GOLGA7: variants seen among roughly 807,000 people sequenced by gnomAD.
The protein encoded by GOLGA7 is golgin A7.
Under a neutral mutation model 21.1 loss-of-function variants are expected in GOLGA7, and 10 were observed. The ratio of observed to expected loss-of-function variants is 0.47; its 90% CI spans 0.29 to 0.80. GOLGA7 has a LOEUF of 0.80. GOLGA7 is among the 30% of genes least tolerant of loss of function. The probability of loss-of-function intolerance (pLI) is 0.08; values close to 1 mark genes in which losing one functional copy is unlikely to be tolerated. For synonymous variants in GOLGA7, 64 were observed against 62.6 expected (o/e 1.02, Z -0.10); for missense variants, 114 against 166.8 (o/e 0.68, Z 1.74).
At chr8:41,491,106 G>A (rs1454014686) in intron 1 of GOLGA7, 141 bp downstream of exon 1, 4 of 626,532 alleles carry the variant, frequency 6.4e-6, no homozygotes, top group Non-Finnish European at 1.2e-5. Context: ...TTGGCCAAAC[G>A]TGTAAGAAGA....
intron 1 of GOLGA7, among the ~76,000 whole-genome samples, chr8:41,496,675 TA>T (rs1484678606): frequency 6.6e-6 from 1 of 151,768 alleles, no homozygotes; most frequent in African/African-American, 2.4e-5. Context: ...TTTTGCCTAG[TA>T]AATTCCAGTC....
At chr8:41,496,549 T>C (rs1055204902) in intron 1 of GOLGA7, among the ~76,000 whole-genome samples, 1 of 152,114 alleles carries the variant, frequency 6.6e-6, no homozygotes, top group African/African-American at 2.4e-5. Context: ...GATTTTACCT[T>C]AACAAATTTT....
intron 4 of GOLGA7, among the ~76,000 whole-genome samples, chr8:41,507,843 C>T (rs1050340984): frequency 1.3e-5 from 2 of 152,186 alleles, no homozygotes; most frequent in East Asian, 1.9e-4. Flanking sequence ...TCTGCTGCTG[C>T]GCTTTTCTAG....
intron 2 of GOLGA7, among the ~76,000 whole-genome samples, chr8:41,500,377 A>G (rs1473050827): frequency 6.6e-6 from 1 of 152,212 alleles, no homozygotes; most frequent in Non-Finnish European, 1.5e-5. Context: ...ATGAACATAC[A>G]CAAAGGCCCA....
At chr8:41,508,149 CCT>C (rs775942910) in intron 4 of GOLGA7, among the ~76,000 whole-genome samples, 7 of 152,206 alleles carry the variant, frequency 4.6e-5, no homozygotes, top group African/African-American at 1.4e-4. Flanking sequence ...TCATAAAACC[CCT>C]GTCTTTTACA....
chr8:41,503,707 A>AAGTTGT, intron 2 of GOLGA7, among the ~76,000 whole-genome samples: 1 of 104,444 alleles, frequency 9.6e-6, no homozygotes, highest in Non-Finnish European at 1.9e-5. Flanking sequence ...AGGTTTGTCA[A>AAGTTGT]AGATCAGATA....
At chr8:41,493,843 A>G (rs1352496036) in intron 1 of GOLGA7, among the ~76,000 whole-genome samples, 1 of 152,198 alleles carries the variant, frequency 6.6e-6, no homozygotes, top group East Asian at 1.9e-4. Context: ...CTAAATTTTG[A>G]TAGAGCTCCT....
In GOLGA7 at chr8:41,497,581, G is replaced by A. The variant is rs779089607; in HGVS notation, c.184G>A (p.Gly62Ser). The A allele has an allele frequency of 6.0e-5, 95 of 1,586,462 alleles. 1 individual carries two copies. Among genetic ancestry groups the A allele is most frequent in the Admixed American group, 1.8e-4 (11 of 59,876 alleles). The part of the protein sequence containing the change: ...NLYAEAEKLG[G>S]QSYLEGCLAC... ...TTATGCAGAAGCAGAGAAGCTCGGC[G>A]GCCAGTCATATCTCGAAGGTTGTTT... is the stretch of plus-strand genomic sequence containing the variant. Residue 62 changes from glycine (G) to serine (S), a missense_variant, in exon 2 of 5, where the codon GGC (glycine) becomes AGC (serine). Transcript: ENST00000357743.
rs1805896054 is a variant in GOLGA7 at position 41,492,026 on chromosome 8, C to T, written c.111+1061C>T. Among the ~76,000 whole-genome samples the T allele has an allele frequency of 2.6e-5, 4 of 152,212 alleles. No individual in the cohort carries two copies. In the South Asian group the frequency reaches 8.3e-4, roughly 31 times the overall value. ...TCAGTTTGCAGTGAGGTGGGTTGCA[C>T]TGCCCGATTTCCATGGTTGGGAAAT... On this transcript the variant is annotated intron_variant, in intron 1 of 4. Transcript: ENST00000357743.
intron 2 of GOLGA7, 87 bp downstream of exon 2, chr8:41,497,748 T>A: frequency 1.4e-6 from 1 of 705,584 alleles, no homozygotes; most frequent in Non-Finnish European, 2.5e-6. Flanking sequence ...TGGTGATAGT[T>A]GCCGTAAAAT....
intron 2 of GOLGA7, among the ~76,000 whole-genome samples, chr8:41,505,621 A>G (rs1806265904): frequency 6.6e-6 from 1 of 152,200 alleles, no homozygotes; most frequent in Non-Finnish European, 1.5e-5. Flanking sequence ...TGCAGGATTG[A>G]GGTGACTGAG....
rs759619217 is a variant in GOLGA7 at position 41,507,024 on chromosome 8, C to T, written c.367-35C>T. On this transcript the variant is annotated intron_variant, in intron 3 of 4. Coordinates refer to ENST00000357743, the MANE Select transcript of GOLGA7 (RefSeq NM_001002296.2). ...CAAGTCCCCCTTTGTGTGTTGTGTC[C>T]TGTAGTGTGTTTTCTTAACAGCCAT... 5.9e-6 allele frequency: 6 copies of T among 1,011,210 alleles called. No homozygotes were observed. In the African/African-American group the frequency reaches 9.4e-5, roughly 16 times the overall value. 62.6% of individuals were successfully genotyped at this position (1,011,210 alleles called of 1,614,324 possible).
Position 41,507,139 on chromosome 8 carries a change from T to A in GOLGA7, c.*15+18T>A. On this transcript the variant is annotated intron_variant, in intron 4 of 4. Coordinates refer to ENST00000357743, the MANE Select transcript of GOLGA7 (RefSeq NM_001002296.2). ...AATTAAAGGTAAATATGAAATGATA[T>A]GGCTTGTATGCAGCTTTTGCAAGTT... 1 of 889,182 alleles carries A rather than the reference T, an allele frequency of 1.1e-6. No homozygotes were observed. The highest frequency in any genetic ancestry group is 2.4e-5 in the East Asian group (1 of 41,670). 55.1% of individuals were successfully genotyped at this position (889,182 alleles called of 1,614,324 possible). A position where few individuals can be genotyped will look rare whatever the true frequency, so the allele number is the denominator to read the frequency against.
intron 1 of GOLGA7, among the ~76,000 whole-genome samples, chr8:41,492,954 A>G (rs1805921039): frequency 6.6e-6 from 1 of 152,230 alleles, no homozygotes; most frequent in Non-Finnish European, 1.5e-5. Context: ...AGCACAATGT[A>G]GTTACTGTGC....
In GOLGA7 at chr8:41,490,783, G is replaced by C. The variant is rs919580924; in HGVS notation, c.-72G>C. ...GAGGGGCTGGCGGGTCAGAGTCCCG[G>C]GTCCAGGCCGGGGCTCTGACTCGCG... On this transcript the variant is annotated 5_prime_UTR_variant, in exon 1 of 5. Coordinates refer to ENST00000357743, the MANE Select transcript of GOLGA7 (RefSeq NM_001002296.2). 1.2e-6 allele frequency: 1 copy of C among 813,832 alleles called. No homozygotes were observed. The highest frequency in any genetic ancestry group is 2.0e-6 in the Non-Finnish European group (1 of 498,104). 50.4% of individuals were successfully genotyped at this position (813,832 alleles called of 1,614,324 possible).
chr8:41,490,741 C>G lies in GOLGA7; in HGVS notation c.-114C>G. ...GGCAGAGGAGGCCTTGGGCTGTTTT[C>G]GGCGGCGGGTGGGGGCGAGGGGCTG... On this transcript the variant is annotated 5_prime_UTR_variant, in exon 1 of 5. Transcript: ENST00000357743. 1.5e-6 allele frequency: 1 copy of G among 647,182 alleles called. No homozygotes were observed. Among genetic ancestry groups the G allele is most frequent in the Non-Finnish European group, 2.8e-6 (1 of 358,234 alleles). 40.1% of individuals were successfully genotyped at this position (647,182 alleles called of 1,614,324 possible).
rs145278495 is a variant in GOLGA7 at position 41,495,410 on chromosome 8, G to A, written c.112-2099G>A. ...AGCAATCCTCCCACCTCAGCCTCCT[G>A]AGTAGCTAGGACTATAGGCATGCAC... On this transcript the variant is annotated intron_variant, in intron 1 of 4. Transcript: ENST00000357743. Among the ~76,000 whole-genome samples, 725 of 151,566 alleles carry A rather than the reference G, an allele frequency of 4.8e-3. 2 individuals carry two copies. The highest frequency in any genetic ancestry group is 0.014 in the Middle Eastern group (4 of 294).
intron 2 of GOLGA7, among the ~76,000 whole-genome samples, chr8:41,504,694 AT>A (rs541809192): frequency 6.1e-4 from 93 of 152,306 alleles, no homozygotes; most frequent in African/African-American, 2.1e-3. Flanking sequence ...AAAACATGAG[AT>A]TTTTTTATCC....
intron 2 of GOLGA7, among the ~76,000 whole-genome samples, chr8:41,501,363 C>T (rs1806146079): frequency 6.6e-6 from 1 of 150,966 alleles, no homozygotes; most frequent in Admixed American, 6.6e-5. Flanking sequence ...GGCTGGAATG[C>T]AGTGGTGCGA....
Sources: allele counts gnomAD v4.1 joint callset (sites outside exome capture counted in the v4.1 genomes callset), GRCh38; gene constraint gnomAD v4.1.1; transcripts MANE v1.5; gene names NCBI Gene and HGNC (gene_info 2026-07-23, HGNC 2026-07-21).